The following PUDP variants were observed in gnomAD, a reference collection of about 807,000 sequenced individuals.
PUDP encodes pseudouridine-5'-phosphatase.
A neutral mutation model predicts 9.4 loss-of-function variants in PUDP; 8 were observed. The ratio of observed to expected loss-of-function variants is 0.85; its 90% CI spans 0.50 to 1.53. The LOEUF is 1.53. PUDP is among the 40% of genes most tolerant of loss of function. PUDP has a pLI of 0.00. For missense variants in PUDP, 188 were observed against 189.7 expected (o/e 0.99, Z 0.05); for synonymous variants, 99 against 80.7 (o/e 1.23, Z -1.22).
chrX:6,760,001 C>T (rs1925212371), intron 3 of PUDP, among the ~76,000 whole-genome samples: 1 of 111,954 alleles, frequency 8.9e-6, no homozygotes, highest in Non-Finnish European at 1.9e-5. Context: ...CACTTCTTCC[C>T]TGTGTGTTGC....
Position 7,018,949 on chromosome X carries a change from C to T in PUDP, c.205-40606G>A, listed in dbSNP as rs531727326. Reference sequence around the variant, plus strand: ...CGATATCTTGAGAACAGAAGCATTCCTAATTTTGCTTTAAGATAATAATGT... The same window carrying T: ...CGATATCTTGAGAACAGAAGCATTCTTAATTTTGCTTTAAGATAATAATGT... On this transcript the variant is annotated intron_variant and NMD_transcript_variant, in intron 1 of 3. Transcript: ENST00000655425. Among the ~76,000 whole-genome samples the T allele has an allele frequency of 7.1e-5, 8 of 112,438 alleles. No individual in the cohort carries two copies. The South Asian group carries it at 2.6e-3, about 36-fold the overall frequency.
intron 1 of PUDP, among the ~76,000 whole-genome samples, chrX:7,135,693 T>C (rs1027300107): frequency 1.8e-5 from 2 of 112,356 alleles, no homozygotes; most frequent in Admixed American, 9.4e-5. Context: ...AATACTGCTT[T>C]TGGGGTTGTT....
chrX:6,874,901 T>C (rs778733433), intron 3 of PUDP, among the ~76,000 whole-genome samples: 39 of 111,886 alleles, frequency 3.5e-4, no homozygotes, highest in Non-Finnish European at 4.0e-4. Context: ...CCATTTTCAG[T>C]CCAATGATGA....
chrX:6,810,372 G>A (rs748645007), intron 3 of PUDP, among the ~76,000 whole-genome samples: 6 of 111,472 alleles, frequency 5.4e-5, no homozygotes, highest in South Asian at 3.8e-4. Context: ...GTACTTCCCG[G>A]GCTATGACAT....
intron 3 of PUDP, among the ~76,000 whole-genome samples, chrX:6,970,090 T>C (rs1157770080): frequency 9.0e-6 from 1 of 111,242 alleles, no homozygotes; most frequent in Non-Finnish European, 1.9e-5. Context: ...GGCAGATAAA[T>C]AGGAGAAAAG....
intron 3 of PUDP, among the ~76,000 whole-genome samples, chrX:7,062,659 A>G (rs1468532438): frequency 9.3e-6 from 1 of 107,948 alleles, no homozygotes; most frequent in Non-Finnish European, 1.9e-5. Flanking sequence ...GTAGGGAGCA[A>G]GGGGTCAGGC....
intron 3 of PUDP, among the ~76,000 whole-genome samples, chrX:6,872,259 G>A (rs1160359334): frequency 9.0e-6 from 1 of 111,717 alleles, no homozygotes; most frequent in Admixed American, 9.5e-5. Flanking sequence ...CTTGCACACA[G>A]CTGTCTTCTA....
At chrX:6,864,704 T>A (rs1927052620) in intron 3 of PUDP, among the ~76,000 whole-genome samples, 1 of 111,980 alleles carries the variant, frequency 8.9e-6, no homozygotes, top group African/African-American at 3.2e-5. Context: ...AGAGTCAGAC[T>A]GATATTCCTT....
chrX:7,114,338 C>T (rs980717519), intron 1 of PUDP, among the ~76,000 whole-genome samples: 1 of 111,382 alleles, frequency 9.0e-6, no homozygotes, highest in Non-Finnish European at 1.9e-5. Flanking sequence ...GCCTCGGCCT[C>T]CCAAAGTCCT....
chrX:6,801,569 C>G (rs1425290223), intron 3 of PUDP, among the ~76,000 whole-genome samples: 1 of 110,943 alleles, frequency 9.0e-6, no homozygotes, highest in African/African-American at 3.3e-5. Context: ...AGAGGTCAGT[C>G]CCCCTCGCCA....
intron 3 of PUDP, among the ~76,000 whole-genome samples, chrX:6,799,093 C>A (rs909021142): frequency 8.9e-6 from 1 of 112,797 alleles, no homozygotes; most frequent in Non-Finnish European, 1.9e-5. Flanking sequence ...CCCATGTAAT[C>A]TCTTCATGTG....
intron 3 of PUDP, among the ~76,000 whole-genome samples, chrX:6,870,189 CAG>C (rs978523778): frequency 2.7e-5 from 3 of 111,696 alleles, no homozygotes; most frequent in African/African-American, 9.8e-5. Context: ...TTAATGGATA[CAG>C]AGTCTTAGTT....
At chrX:7,083,261 C>G (rs1327324256) in intron 2 of PUDP, among the ~76,000 whole-genome samples, 1 of 111,945 alleles carries the variant, frequency 8.9e-6, no homozygotes, top group Non-Finnish European at 1.9e-5. Context: ...ATGAGCAGAA[C>G]AGACACTGCC....
intron 3 of PUDP, among the ~76,000 whole-genome samples, chrX:6,854,950 G>C (rs942372530): frequency 8.9e-6 from 1 of 111,983 alleles, no homozygotes; most frequent in Non-Finnish European, 1.9e-5. Flanking sequence ...CAACTCTCTA[G>C]TTTGCAAAAG....
intron 3 of PUDP, among the ~76,000 whole-genome samples, chrX:6,917,428 C>G (rs1927953413): frequency 9.2e-6 from 1 of 108,690 alleles, no homozygotes; most frequent in East Asian, 2.9e-4. Flanking sequence ...GCAAACAAAA[C>G]TAAAATTTTT....
intron 3 of PUDP, among the ~76,000 whole-genome samples, chrX:6,736,368 T>C (rs192500979): frequency 8.9e-6 from 1 of 111,842 alleles, no homozygotes; most frequent in East Asian, 2.8e-4. Context: ...CCAGGAAAGG[T>C]TACTTTATAT....
chrX:7,102,669 T>C (rs1448535471), intron 2 of PUDP, among the ~76,000 whole-genome samples: 2 of 110,197 alleles, frequency 1.8e-5, no homozygotes, highest in Non-Finnish European at 3.8e-5. Flanking sequence ...CATGATCATA[T>C]ATATAGAAAT....
intron 1 of PUDP, among the ~76,000 whole-genome samples, chrX:7,146,458 G>A (rs1932861789): frequency 9.0e-6 from 1 of 111,587 alleles, no homozygotes. Flanking sequence ...ACCGGAGTAG[G>A]AAAATTCATG....
In PUDP at chrX:7,032,465, A is replaced by G. The variant is rs756017253; in HGVS notation, c.204+44755T>C. Among the ~76,000 whole-genome samples, 3 of 112,466 alleles carry G rather than the reference A, an allele frequency of 2.7e-5. No individual in the cohort carries two copies. In the East Asian group the frequency reaches 8.3e-4, roughly 31 times the overall value. On this transcript the variant is annotated intron_variant and NMD_transcript_variant, in intron 1 of 3. Coordinates refer to the PUDP transcript ENST00000655425. Reference sequence around the variant, plus strand: ...ATAACTTCAAATGGAGCAGAACCCAAATGCTTATCAAAGGATGAATGGATA... The same window carrying G: ...ATAACTTCAAATGGAGCAGAACCCAGATGCTTATCAAAGGATGAATGGATA...
Sources: gnomAD v4.1 joint callset for allele counts (sites outside exome capture counted in the v4.1 genomes callset) on GRCh38, gnomAD v4.1.1 for gene constraint, MANE v1.5 for transcripts, NCBI Gene and HGNC (gene_info 2026-07-23, HGNC 2026-07-21) for gene names.